The following USP40 variants were observed in gnomAD, a reference collection of about 807,000 sequenced individuals.
USP40 encodes ubiquitin specific peptidase 40.
A neutral mutation model predicts 166.2 loss-of-function variants in USP40; 143 were observed. That is an observed-to-expected ratio of 0.86 (90% CI 0.75 to 0.99). The LOEUF (loss-of-function observed/expected upper bound fraction) is 0.99. Among genes scored for constraint, USP40 ranks in the 50% least tolerant of loss-of-function variants. The pLI is 0.00. For synonymous variants in USP40, 498 were observed against 524.0 expected, an observed-to-expected ratio of 0.95 and a Z score of 0.68; for missense variants, 1,444 against 1,479.7, an observed-to-expected ratio of 0.98 and a Z score of 0.40.
intron 21 of USP40, 23 bp downstream of exon 21, chr2:233,510,024 GAA>G (rs1263499361): frequency 6.5e-7 from 1 of 1,535,686 alleles, no homozygotes. Context: ...CACAGCCTCT[GAA>G]AACAAAAGGT....
intron 11 of USP40, among the ~76,000 whole-genome samples, chr2:233,530,677 ATTC>A (rs926070758): frequency 3.3e-5 from 5 of 152,140 alleles, no homozygotes; most frequent in East Asian, 3.8e-4. Context: ...TCTCATTGCC[ATTC>A]TTCTTCTTCT....
intron 21 of USP40, among the ~76,000 whole-genome samples, chr2:233,507,642 A>G (rs1007478803): frequency 7.2e-5 from 11 of 151,826 alleles, no homozygotes; most frequent in Middle Eastern, 3.4e-3. Flanking sequence ...AAGAGTTGAC[A>G]TCGTAGAAGC....
intron 5 of USP40, chr2:233,556,585 C>A: frequency 4.9e-6 from 1 of 205,472 alleles, no homozygotes; most frequent in Non-Finnish European, 9.6e-6. Flanking sequence ...AGGCCACAGT[C>A]TTCTATTTGT....
At chr2:233,553,652 TCTC>T (rs1345176163) in intron 6 of USP40, among the ~76,000 whole-genome samples, 1 of 152,146 alleles carries the variant, frequency 6.6e-6, no homozygotes, top group African/African-American at 2.4e-5. Flanking sequence ...GCCTCTCATT[TCTC>T]CTCTTATCAA....
chr2:233,533,523 T>C lies in USP40; in HGVS notation c.1427A>G (p.Tyr476Cys), dbSNP rs2068706446. Residue 476 changes from tyrosine to cysteine, a missense_variant, in exon 11 of 32, where the codon TAC becomes TGC. Coordinates refer to ENST00000678225, the MANE Select transcript of USP40 (RefSeq NM_001365479.2). ...EQQFQGKESAYMLFYRKSQLQ... is the reference protein window; with the variant it reads ...EQQFQGKESACMLFYRKSQLQ... The stretch of plus-strand genomic sequence containing the variant: ...CTGGGATTTCCGATAAAACAACATG[T>C]AGGCACTTTCTTTACCCTGAAATTG... 6.2e-7 allele frequency: 1 copy of C among 1,613,734 alleles called. No individual in the cohort carries two copies. The highest frequency in any genetic ancestry group is 8.5e-7 in the Non-Finnish European group (1 of 1,179,814).
chr2:233,484,509 C>T (rs1250019768), intron 30 of USP40, among the ~76,000 whole-genome samples: 3 of 145,966 alleles, frequency 2.1e-5, no homozygotes, highest in Non-Finnish European at 4.5e-5. Flanking sequence ...GAGACAGGAT[C>T]TCTGTTGCCT....
intron 5 of USP40, among the ~76,000 whole-genome samples, chr2:233,554,830 T>C (rs1197762925): frequency 6.6e-6 from 1 of 152,216 alleles, no homozygotes; most frequent in Non-Finnish European, 1.5e-5. Context: ...GTATCTGAAT[T>C]CAGAAGTGCA....
chr2:233,555,337 A>G (rs1468923986), intron 5 of USP40, among the ~76,000 whole-genome samples: 1 of 152,210 alleles, frequency 6.6e-6, no homozygotes, highest in East Asian at 1.9e-4. Context: ...ACAATTTGGC[A>G]AATTTAATTT....
intron 31 of USP40, among the ~76,000 whole-genome samples, chr2:233,477,719 A>G (rs76826183): frequency 0.055 from 8,365 of 152,352 alleles, 622 homozygotes; most frequent in African/African-American, 0.17. Flanking sequence ...TTGCACTGGC[A>G]GCACGGCATG....
chr2:233,491,003 A>G, intron 26 of USP40, 164 bp downstream of exon 26: 1 of 721,034 alleles, frequency 1.4e-6, no homozygotes, highest in Non-Finnish European at 2.6e-6. Context: ...CGTCTGCACC[A>G]TGGGCGTGTA....
At position 233,506,156 on chromosome 2, in the gene USP40, GC is replaced by G. The variant is rs141158884; in HGVS notation, c.2613+3892del. 4.4e-3 allele frequency among the ~76,000 whole-genome samples: 677 copies of G among 152,162 alleles called. 4 individuals carry two copies. The highest frequency in any genetic ancestry group is 0.016 in the African/African-American group (646 of 41,528). Reference sequence around the variant, plus strand: ...TACTGGCAAAAAGTCTGACACATAGGCCAAAGCACCAGAATAAAGAGCCCAG... The same window carrying G: ...TACTGGCAAAAAGTCTGACACATAGGCAAAGCACCAGAATAAAGAGCCCAG... On this transcript the variant is annotated intron_variant, in intron 21 of 31. Transcript: ENST00000678225.
intron 31 of USP40, among the ~76,000 whole-genome samples, chr2:233,478,805 A>T (rs1445031717): frequency 6.6e-6 from 1 of 151,968 alleles, no homozygotes. Context: ...TTACCAAGAA[A>T]GTTCTGGTCA....
intron 18 of USP40, among the ~76,000 whole-genome samples, chr2:233,516,787 A>T (rs1344906917): frequency 6.6e-6 from 1 of 151,248 alleles, no homozygotes; most frequent in African/African-American, 2.4e-5. Context: ...AACCCAGGAG[A>T]CAGAGGTTGT....
intron 24 of USP40, among the ~76,000 whole-genome samples, chr2:233,494,940 A>G (rs1237696758): frequency 2.0e-5 from 1 of 50,378 alleles, no homozygotes; most frequent in African/African-American, 1.4e-4. Flanking sequence ...ATATATATAT[A>G]TATATATATA....
intron 21 of USP40, among the ~76,000 whole-genome samples, chr2:233,509,195 G>GA (rs1341845512): frequency 6.6e-6 from 1 of 152,036 alleles, no homozygotes; most frequent in Non-Finnish European, 1.5e-5. Context: ...AATTTTTTAA[G>GA]AAAAAATATA....
chr2:233,492,277 T>G (rs1452728712), intron 25 of USP40, among the ~76,000 whole-genome samples: 2 of 152,206 alleles, frequency 1.3e-5, no homozygotes, highest in African/African-American at 4.8e-5. Flanking sequence ...AGCCTAGGTG[T>G]GTAGGAGGCT....
chr2:233,492,210 C>T (rs1368258445), intron 25 of USP40, among the ~76,000 whole-genome samples: 10 of 152,296 alleles, frequency 6.6e-5, no homozygotes, highest in African/African-American at 2.4e-4. Context: ...CTTCAGTATT[C>T]AATACAGTAA....
intron 26 of USP40, chr2:233,489,891 T>C (rs1031907626): frequency 6.2e-6 from 1 of 162,212 alleles, no homozygotes; most frequent in African/African-American, 2.4e-5. Flanking sequence ...TCCACCAGTG[T>C]CTGCTCTGCC....
intron 9 of USP40, 60 bp downstream of exon 9, chr2:233,542,208 C>T: frequency 1.1e-6 from 1 of 949,528 alleles, no homozygotes; most frequent in Non-Finnish European, 1.5e-6. Context: ...TATATACACA[C>T]ATGCACACAT....
Sources: allele counts gnomAD v4.1 joint callset (sites outside exome capture counted in the v4.1 genomes callset), GRCh38; gene constraint gnomAD v4.1.1; transcripts MANE v1.5; gene names NCBI Gene and HGNC (gene_info 2026-07-23, HGNC 2026-07-21).